Variants in GPD2 observed in about 807,000 individuals in gnomAD.
The protein encoded by GPD2 is glycerol-3-phosphate dehydrogenase, mitochondrial.
A neutral mutation model predicts 82.4 loss-of-function variants in GPD2; 54 were observed. The ratio of observed to expected loss-of-function variants is 0.66; its 90% CI spans 0.53 to 0.82. GPD2 has a LOEUF of 0.82. Ranked by LOEUF, GPD2 falls within the 40% of genes least tolerant of loss-of-function variation. The pLI is 0.00. For missense variants in GPD2, 748 were observed against 896.2 expected (o/e 0.83, Z 2.11); for synonymous variants, 288 against 306.1 (o/e 0.94, Z 0.62).
At chr2:156,560,300 TG>T (rs3835847) in intron 9 of GPD2, among the ~76,000 whole-genome samples, 101,202 of 152,018 alleles carry the variant, frequency 0.67, 34,192 homozygotes, top group Middle Eastern at 0.81. Flanking sequence ...TTGGCATACC[TG>T]GTTGGTCCAT....
At chr2:156,485,651 C>T (rs1390293532) in intron 2 of GPD2, among the ~76,000 whole-genome samples, 5 of 152,156 alleles carry the variant, frequency 3.3e-5, no homozygotes, top group African/African-American at 7.2e-5. Flanking sequence ...ATTTGTTGCT[C>T]ACATTACAGT....
chr2:156,426,825 T>TA, the GPD2 span, among the ~76,000 whole-genome samples: 24 of 151,146 alleles, frequency 1.6e-4, no homozygotes, highest in African/African-American at 3.2e-4. Flanking sequence ...TGGAGAAATT[T>TA]AAAAAAAAAA....
At chr2:156,482,419 C>A (rs1683766499) in intron 2 of GPD2, among the ~76,000 whole-genome samples, 1 of 151,948 alleles carries the variant, frequency 6.6e-6, no homozygotes, top group Non-Finnish European at 1.5e-5. Context: ...TTATGGCATA[C>A]TTGATTTATA....
intron 13 of GPD2, among the ~76,000 whole-genome samples, chr2:156,576,211 G>A (rs1471313725): frequency 2.6e-5 from 4 of 152,080 alleles, no homozygotes; most frequent in South Asian, 2.1e-4. Context: ...ATCTTAAGCC[G>A]CATTAATAGA....
At chr2:156,521,388 C>G (rs1399854793) in intron 6 of GPD2, among the ~76,000 whole-genome samples, 1 of 152,188 alleles carries the variant, frequency 6.6e-6, no homozygotes, top group African/African-American at 2.4e-5. Context: ...ACTTTGAGCT[C>G]TGCATTACAC....
intron 1 of GPD2, among the ~76,000 whole-genome samples, chr2:156,453,105 A>G (rs1682672707): frequency 6.6e-6 from 1 of 152,186 alleles, no homozygotes; most frequent in African/African-American, 2.4e-5. Context: ...GCAGCTATGA[A>G]TTTAAATTGA....
chr2:156,453,044 G>T (rs1364466948), intron 1 of GPD2, among the ~76,000 whole-genome samples: 1 of 152,182 alleles, frequency 6.6e-6, no homozygotes, highest in Admixed American at 6.5e-5. Flanking sequence ...GAAACATCCT[G>T]GGGAAATGTA....
chr2:156,452,105 G>A, intron 1 of GPD2, among the ~76,000 whole-genome samples: 1 of 150,460 alleles, frequency 6.6e-6, no homozygotes, highest in African/African-American at 2.5e-5. Flanking sequence ...TCACGTCCCA[G>A]ACGATGGGTG....
intron 5 of GPD2, 45 bp downstream of exon 5, chr2:156,512,362 C>A (rs1441359461): frequency 4.5e-6 from 4 of 888,984 alleles, no homozygotes; most frequent in South Asian, 2.6e-5. Flanking sequence ...TCTCTGCGGT[C>A]AATAGAACAA....
rs142789278 is a variant in GPD2, at chr2:156,548,076, G to T, written c.662-1532G>T. Among the ~76,000 whole-genome samples the T allele has an allele frequency of 8.1e-3, 1,230 of 152,326 alleles. 5 individuals carry two copies. The highest frequency in any genetic ancestry group is 0.012 in the Non-Finnish European group (807 of 68,036). On this transcript the variant is annotated intron_variant, in intron 6 of 16. Transcript: ENST00000438166. ...GTTAGATATATAAATCAACCAGAAA[G>T]ATTGGGTCGGATGGGTACTGTGTTA...
the GPD2 span, among the ~76,000 whole-genome samples, chr2:156,425,961 T>C: frequency 5.2e-3 from 781 of 151,238 alleles, 7 homozygotes; most frequent in Middle Eastern, 0.041. Context: ...TTCACTCTGT[T>C]GCCCAGGCTG....
chr2:156,408,188 C>G, the GPD2 span, among the ~76,000 whole-genome samples: 1 of 151,800 alleles, frequency 6.6e-6, no homozygotes, highest in African/African-American at 2.4e-5. Context: ...CTCCTGGGCT[C>G]CAGTAATCTG....
At chr2:156,439,445 G>A (rs1294466503) in intron 1 of GPD2, among the ~76,000 whole-genome samples, 1 of 136,978 alleles carries the variant, frequency 7.3e-6, no homozygotes, top group Non-Finnish European at 1.5e-5. Flanking sequence ...AACCAGGCAT[G>A]GTGGCACGTG....
At chr2:156,426,130 A>G in the GPD2 span, among the ~76,000 whole-genome samples, 6 of 151,986 alleles carry the variant, frequency 3.9e-5, no homozygotes, top group South Asian at 2.1e-4. Context: ...TCACCGTTTT[A>G]GCCGGGATAG....
chr2:156,492,671 A>G (rs1405701245), intron 2 of GPD2, among the ~76,000 whole-genome samples: 1 of 152,052 alleles, frequency 6.6e-6, no homozygotes, highest in Admixed American at 6.6e-5. Flanking sequence ...TCATGTTAGT[A>G]TAGGGGAGAG....
intron 6 of GPD2, among the ~76,000 whole-genome samples, chr2:156,532,355 C>G (rs748922072): frequency 5.9e-5 from 9 of 152,084 alleles, no homozygotes; most frequent in Non-Finnish European, 1.0e-4. Context: ...GATTATGTGT[C>G]TCAGTTTAAC....
At chr2:156,533,346 G>A (rs1366259374) in intron 6 of GPD2, among the ~76,000 whole-genome samples, 3 of 152,142 alleles carry the variant, frequency 2.0e-5, no homozygotes, top group Non-Finnish European at 2.9e-5. Flanking sequence ...ATGAGTTCTC[G>A]AGAAATGTTG....
At chr2:156,568,993 T>TC (rs781614094) in intron 10 of GPD2, 34 bp downstream of exon 10, 5 of 1,301,740 alleles carry the variant, frequency 3.8e-6, no homozygotes, top group East Asian at 2.7e-5. Context: ...TTCTTTTCTT[T>TC]TTTTTTTTTT....
At chr2:156,411,701 A>G in the GPD2 span, among the ~76,000 whole-genome samples, 1 of 152,226 alleles carries the variant, frequency 6.6e-6, no homozygotes, top group African/African-American at 2.4e-5. Flanking sequence ...GCTGAAAGAC[A>G]TTGAACTAAT....
Sources: gnomAD v4.1 joint callset for allele counts (sites outside exome capture counted in the v4.1 genomes callset) on GRCh38, gnomAD v4.1.1 for gene constraint, MANE v1.5 for transcripts, NCBI Gene and HGNC (gene_info 2026-07-23, HGNC 2026-07-21) for gene names.